Variants in ITGB5 observed in about 807,000 individuals in gnomAD.
ITGB5 encodes the protein integrin subunit beta 5, also known as integrin beta-5.
ITGB5 carries 38 observed loss-of-function variants against 84.8 expected under a neutral mutation model. The ratio of observed to expected loss-of-function variants is 0.45; its 90% CI spans 0.35 to 0.59. ITGB5 has a LOEUF of 0.59. Among genes scored for constraint, ITGB5 ranks in the 20% least tolerant of loss-of-function variants. The pLI is 0.01. For synonymous variants in ITGB5, 393 were observed against 414.4 expected, an observed-to-expected ratio of 0.95 and a Z score of 0.63; for missense variants, 905 against 1,034.5, an observed-to-expected ratio of 0.87 and a Z score of 1.72.
At chr3:124,866,957 A>G (rs1004188566) in intron 2 of ITGB5, among the ~76,000 whole-genome samples, 1 of 152,248 alleles carries the variant, frequency 6.6e-6, no homozygotes, top group Non-Finnish European at 1.5e-5. Context: ...GAATCTGACC[A>G]CAAGGAGATG....
At chr3:124,808,921 A>G in intron 9 of ITGB5, 101 bp downstream of exon 9, 1 of 1,297,026 alleles carries the variant, frequency 7.7e-7, no homozygotes, top group Non-Finnish European at 1.1e-6. Flanking sequence ...AACAGAATAT[A>G]AATTCCGAAA....
intron 2 of ITGB5, among the ~76,000 whole-genome samples, chr3:124,871,122 C>A (rs1237563902): frequency 6.6e-6 from 1 of 152,028 alleles, no homozygotes; most frequent in African/African-American, 2.4e-5. Flanking sequence ...AACTTCTGAG[C>A]TCAAGCAATC....
chr3:124,831,883 A>G (rs1488075097), intron 5 of ITGB5, among the ~76,000 whole-genome samples: 4 of 152,204 alleles, frequency 2.6e-5, no homozygotes, highest in Non-Finnish European at 5.9e-5. Context: ...GAGCAAGCCC[A>G]AGGGAGAAGA....
At chr3:124,786,892 AAAAGAATCCT>A (rs1206571381) in intron 10 of ITGB5, among the ~76,000 whole-genome samples, 1 of 152,242 alleles carries the variant, frequency 6.6e-6, no homozygotes, top group East Asian at 1.9e-4. Context: ...GAAATGGAAC[AAAAGAATCCT>A]TAAGAATAAC....
At chr3:124,764,670 C>T (rs1285562564) in intron 13 of ITGB5, 113 bp from the exon 14 acceptor site, 13 of 998,720 alleles carry the variant, frequency 1.3e-5, no homozygotes, top group African/African-American at 4.8e-5. Flanking sequence ...GCCTTCTCCT[C>T]GGCTCTCCCT....
intron 14 of ITGB5, 46 bp from the exon 15 acceptor site, chr3:124,763,764 CACACTCAAACCG>C: frequency 1.7e-6 from 2 of 1,144,624 alleles, no homozygotes; most frequent in Non-Finnish European, 2.6e-6. Context: ...TGTTAGCTCA[CACACTCAAACCG>C]ACAGACGCAG....
intron 10 of ITGB5, among the ~76,000 whole-genome samples, chr3:124,779,230 G>A (rs1200101305): frequency 6.6e-6 from 1 of 150,904 alleles, no homozygotes; most frequent in Non-Finnish European, 1.5e-5. Context: ...GGCAGAGGGC[G>A]AGAGTGTGAG....
At chr3:124,766,059 C>CAGAA (rs1184934071) in intron 13 of ITGB5, among the ~76,000 whole-genome samples, 167 bp downstream of exon 13, 8 of 104,446 alleles carry the variant, frequency 7.7e-5, no homozygotes, top group Admixed American at 1.9e-4. Flanking sequence ...CAGCCTGTGT[C>CAGAA]AAAAAAAAAA....
At chr3:124,809,354 C>A in intron 8 of ITGB5, 198 bp from the exon 9 acceptor site, 1 of 573,070 alleles carries the variant, frequency 1.7e-6, no homozygotes, top group Non-Finnish European at 3.1e-6. Context: ...CTTGCTAGAC[C>A]CAGCCTGAGG....
intron 2 of ITGB5, among the ~76,000 whole-genome samples, chr3:124,872,035 G>T (rs1289594927): frequency 1.3e-5 from 2 of 151,960 alleles, no homozygotes. Flanking sequence ...GTAGGAGGAA[G>T]GCAAGAGCCA....
intron 1 of ITGB5, among the ~76,000 whole-genome samples, chr3:124,878,294 G>A (rs1373248067): frequency 1.3e-5 from 2 of 152,094 alleles, no homozygotes; most frequent in Non-Finnish European, 1.5e-5. Context: ...CTGGTCTTCT[G>A]GTCCACCAGC....
chr3:124,889,481 G>T (rs1417796780), upstream of ITGB5, among the ~76,000 whole-genome samples: 1 of 152,178 alleles, frequency 6.6e-6, no homozygotes, highest in Non-Finnish European at 1.5e-5. Flanking sequence ...GGTACATATT[G>T]TCAGGACTTC....
At chr3:124,833,665 T>C (rs7635307) in intron 5 of ITGB5, among the ~76,000 whole-genome samples, 130,145 of 152,178 alleles carry the variant, frequency 0.86, 55,807 homozygotes, top group East Asian at 0.92. Flanking sequence ...CCATCCAGGA[T>C]GGGACAAGCT....
intron 3 of ITGB5, among the ~76,000 whole-genome samples, chr3:124,854,969 T>A (rs1162191708): frequency 1.3e-5 from 2 of 152,150 alleles, no homozygotes; most frequent in Admixed American, 1.3e-4. Context: ...ATAACTATTA[T>A]GAGGCATGGG....
upstream of ITGB5, among the ~76,000 whole-genome samples, chr3:124,889,751 T>C (rs1481444486): frequency 6.6e-6 from 1 of 152,164 alleles, no homozygotes; most frequent in Non-Finnish European, 1.5e-5. Context: ...CGTTGGCTCA[T>C]GTCTGTAATT....
chr3:124,785,582 CT>C (rs547843328), intron 10 of ITGB5, among the ~76,000 whole-genome samples: 3,802 of 126,632 alleles, frequency 0.03, 79 homozygotes, highest in South Asian at 0.1. Flanking sequence ...GAGACTCCAT[CT>C]CAAAAAAAAA....
intron 9 of ITGB5, among the ~76,000 whole-genome samples, chr3:124,801,200 C>T (rs888726207): frequency 3.9e-5 from 6 of 152,142 alleles, no homozygotes; most frequent in African/African-American, 7.2e-5. Context: ...TTGTGCTGGG[C>T]GTCTGTGCTA....
chr3:124,800,181 A>G (rs2064295249), intron 9 of ITGB5, among the ~76,000 whole-genome samples: 1 of 152,164 alleles, frequency 6.6e-6, no homozygotes, highest in Non-Finnish European at 1.5e-5. Flanking sequence ...CTGTACTTCT[A>G]GGGCTACAAC....
intron 3 of ITGB5, among the ~76,000 whole-genome samples, chr3:124,858,586 C>T (rs990489725): frequency 2.6e-5 from 4 of 152,070 alleles, no homozygotes; most frequent in African/African-American, 9.7e-5. Context: ...TGACACATGC[C>T]AAAATATGTG....
Sources: gnomAD v4.1 joint callset for allele counts (sites outside exome capture counted in the v4.1 genomes callset) on GRCh38, gnomAD v4.1.1 for gene constraint, MANE v1.5 for transcripts, NCBI Gene and HGNC (gene_info 2026-07-23, HGNC 2026-07-21) for gene names.